Variants in LMO4 observed in about 807,000 individuals in gnomAD.
The protein encoded by LMO4 is LIM domain transcription factor LMO4.
A neutral mutation model predicts 18.5 loss-of-function variants in LMO4; 3 were observed. The ratio of observed to expected loss-of-function variants is 0.16; its 90% CI spans 0.07 to 0.42. The LOEUF (loss-of-function observed/expected upper bound fraction) is 0.42. Ranked by LOEUF, LMO4 falls within the 10% of genes least tolerant of loss-of-function variation. The probability of loss-of-function intolerance (pLI) is 0.99; values close to 1 mark genes in which losing one functional copy is unlikely to be tolerated. For missense variants in LMO4, 121 were observed against 219.9 expected (o/e 0.55, Z 2.84); for synonymous variants, 100 against 88.1 (o/e 1.14, Z -0.76).
Position 87,346,784 on chromosome 1 carries a change from A to T in LMO4, c.*1988A>T, listed in dbSNP as rs1570271610. 1 of 152,242 alleles carries T rather than the reference A, an allele frequency of 6.6e-6. No homozygotes were observed. Among genetic ancestry groups the T allele is most frequent in the Admixed American group, 6.5e-5 (1 of 15,288 alleles). 9.4% of individuals were successfully genotyped at this position (152,242 alleles called of 1,614,324 possible). A position where few individuals can be genotyped will look rare whatever the true frequency, so the allele number is the denominator to read the frequency against. On this transcript the variant is annotated 3_prime_UTR_variant, in exon 5 of 5. Transcript: ENST00000370544. ...AGAAAATAATATGAAGAAATCACAT[A>T]TATATGTTTGAATTAGATGTCTGTT...
chr1:87,339,817 TG>T (rs1650421902), intron 3 of LMO4, among the ~76,000 whole-genome samples, 185 bp downstream of exon 3: 3 of 152,168 alleles, frequency 2.0e-5, no homozygotes, highest in Non-Finnish European at 4.4e-5. Context: ...GCTTCCCCTA[TG>T]CCACAGACAG....
chr1:87,344,648 G>A, intron 4 of LMO4, 140 bp from the exon 5 acceptor site: 1 of 792,968 alleles, frequency 1.3e-6, no homozygotes, highest in Non-Finnish European at 2.1e-6. Context: ...AGCATAGAAA[G>A]CCTCTATCAA....
Position 87,344,913 on chromosome 1 carries a change from G to A in LMO4, c.*117G>A. On this transcript the variant is annotated 3_prime_UTR_variant, in exon 5 of 5. Transcript: ENST00000370544. ...TAGCTAGCACCAGTGCCAGCTCCAT[G>A]CCATTGCACCTTCTTTAGTCTTGAT... 1.1e-6 allele frequency: 1 copy of A among 933,156 alleles called. No homozygotes were observed. The highest frequency in any genetic ancestry group is 1.9e-5 in the Admixed American group (1 of 51,352). The allele number at this position is 933,156 out of a possible 1,614,324, so 57.8% of individuals were successfully genotyped here.
At chr1:87,331,741 G>C (rs1041081318) in intron 1 of LMO4, 5 of 504,802 alleles carry the variant, frequency 9.9e-6, no homozygotes, top group African/African-American at 9.7e-5. Flanking sequence ...CAGTACCGGA[G>C]CTGAAATTGT....
At chr1:87,334,816 T>G (rs947149646) in intron 2 of LMO4, among the ~76,000 whole-genome samples, 1 of 152,130 alleles carries the variant, frequency 6.6e-6, no homozygotes, top group Admixed American at 6.5e-5. Flanking sequence ...CCCTCCAAGA[T>G]TTCAGATAAA....
intron 2 of LMO4, among the ~76,000 whole-genome samples, chr1:87,336,492 A>G (rs913060313): frequency 6.6e-6 from 1 of 152,210 alleles, no homozygotes; most frequent in African/African-American, 2.4e-5. Context: ...GTAAACTAAA[A>G]ATACGATTTG....
At position 87,347,366 on chromosome 1, in the gene LMO4, C is replaced by G. The variant is rs1650664479; in HGVS notation, c.*2570C>G. On this transcript the variant is annotated 3_prime_UTR_variant, in exon 5 of 5. Transcript: ENST00000370544. ...AAAACCCGGCTCTAATGGGGATGCT[C>G]TGTGTGGATAGAAAGCTACTAAAAA... The G allele has an allele frequency of 6.6e-6, 1 of 152,038 alleles. No homozygotes were observed. The highest frequency in any genetic ancestry group is 6.6e-5 in the Admixed American group (1 of 15,256). 9.4% of individuals were successfully genotyped at this position (152,038 alleles called of 1,614,324 possible).
chr1:87,344,976 A>G lies in LMO4; in HGVS notation c.*180A>G. On this transcript the variant is annotated 3_prime_UTR_variant, in exon 5 of 5. Coordinates refer to ENST00000370544, the MANE Select transcript of LMO4 (RefSeq NM_006769.4). ...ATTTATTGGTGTATTAAAATGACTG[A>G]ATATGAACATTAAGGACTCCATGAA... is the stretch of plus-strand genomic sequence containing the variant. 1.7e-6 allele frequency: 1 copy of G among 572,322 alleles called. No individual in the cohort carries two copies. Among genetic ancestry groups the G allele is most frequent in the South Asian group, 2.3e-5 (1 of 43,272 alleles). 35.5% of individuals were successfully genotyped at this position (572,322 alleles called of 1,614,324 possible). A position where few individuals can be genotyped will look rare whatever the true frequency, so the allele number is the denominator to read the frequency against.
rs1650628397 is a variant in LMO4 at position 87,346,431 on chromosome 1, C to T, written c.*1635C>T. 6.6e-6 allele frequency: 1 copy of T among 152,222 alleles called. No individual in the cohort carries two copies. Among genetic ancestry groups the T allele is most frequent in the Non-Finnish European group, 1.5e-5 (1 of 68,048 alleles). The allele number at this position is 152,222 out of a possible 1,614,324, so 9.4% of individuals were successfully genotyped here. On this transcript the variant is annotated 3_prime_UTR_variant, in exon 5 of 5. Coordinates refer to ENST00000370544, the MANE Select transcript of LMO4 (RefSeq NM_006769.4). ...TGTGAGCAAATTTCAACTACAACTT[C>T]CATCACAGGCTAATAAAACCAGGTG...
At chr1:87,331,651 G>C in intron 1 of LMO4, 1 of 270,802 alleles carries the variant, frequency 3.7e-6, no homozygotes, top group Non-Finnish European at 7.0e-6. Context: ...GGGAGGAGGG[G>C]GCAGTGGGCG....
intron 2 of LMO4, among the ~76,000 whole-genome samples, chr1:87,334,632 T>TTGAGTTGTGGTTTTTTGAAAA (rs1650246374): frequency 1.3e-5 from 2 of 152,110 alleles, no homozygotes; most frequent in African/African-American, 2.4e-5. Context: ...TGTCTTGACT[T>TTGAGTTGTGGTTTTTTGAAAA]TGAGTTGTGG....
intron 2 of LMO4, among the ~76,000 whole-genome samples, chr1:87,333,920 T>A (rs1489856827): frequency 6.7e-6 from 1 of 150,302 alleles, no homozygotes; most frequent in Non-Finnish European, 1.5e-5. Context: ...TGGTACAGAT[T>A]CATCTCTTCT....
intron 2 of LMO4, among the ~76,000 whole-genome samples, chr1:87,338,913 T>C (rs567138372): frequency 6.6e-6 from 1 of 152,330 alleles, no homozygotes; most frequent in South Asian, 2.1e-4. Context: ...AGCATTTCAT[T>C]ATCAAGAGAG....
rs1650660012 is a variant in LMO4, at chr1:87,347,196, C to A, written c.*2400C>A. ...CAAATGTCACTCATGTTAGTATAAT[C>A]CACATGCAAGTGATGAAGCCTTCTC... On this transcript the variant is annotated 3_prime_UTR_variant, in exon 5 of 5. Coordinates refer to ENST00000370544, the MANE Select transcript of LMO4 (RefSeq NM_006769.4). 1 of 152,134 alleles carries A rather than the reference C, an allele frequency of 6.6e-6. No homozygotes were observed. Among genetic ancestry groups the A allele is most frequent in the Non-Finnish European group, 1.5e-5 (1 of 68,038 alleles). The allele number at this position is 152,134 out of a possible 1,614,324, so 9.4% of individuals were successfully genotyped here.
intron 2 of LMO4, among the ~76,000 whole-genome samples, chr1:87,335,811 A>G (rs1650290589): frequency 6.6e-6 from 1 of 151,344 alleles, no homozygotes; most frequent in African/African-American, 2.4e-5. Context: ...ATTTAATATC[A>G]CTTTGAAGTC....
intron 2 of LMO4, among the ~76,000 whole-genome samples, chr1:87,332,572 A>G (rs547560391): frequency 1.3e-5 from 2 of 152,372 alleles, no homozygotes; most frequent in South Asian, 4.1e-4. Context: ...CTAAAAGCAA[A>G]CATCCCAAGC....
intron 4 of LMO4, among the ~76,000 whole-genome samples, chr1:87,340,454 A>G (rs946409307): frequency 1.3e-5 from 2 of 152,242 alleles, no homozygotes; most frequent in East Asian, 1.9e-4. Flanking sequence ...AGATTATCAC[A>G]TGCAAAAGCA....
chr1:87,343,429 G>A (rs72728010), intron 4 of LMO4, among the ~76,000 whole-genome samples: 5,448 of 152,256 alleles, frequency 0.036, 120 homozygotes, highest in Non-Finnish European at 0.053. Context: ...AGAGGGTTAT[G>A]TAAATCAGGA....
rs1650659584 is a variant in LMO4 at position 87,347,173 on chromosome 1, A to G, written c.*2377A>G. ...TAAGTTGCAGACCTATAAGATTACA[A>G]ATGTCACTCATGTTAGTATAATCCA... is the stretch of plus-strand genomic sequence containing the variant. On this transcript the variant is annotated 3_prime_UTR_variant, in exon 5 of 5. Coordinates refer to ENST00000370544, the MANE Select transcript of LMO4 (RefSeq NM_006769.4). The G allele has an allele frequency of 1.3e-5, 2 of 152,204 alleles. No individual in the cohort carries two copies. Among genetic ancestry groups the G allele is most frequent in the Non-Finnish European group, 2.9e-5 (2 of 68,032 alleles). 9.4% of individuals were successfully genotyped at this position (152,204 alleles called of 1,614,324 possible). A position where few individuals can be genotyped will look rare whatever the true frequency, so the allele number is the denominator to read the frequency against.
Sources: allele counts gnomAD v4.1 joint callset (sites outside exome capture counted in the v4.1 genomes callset), GRCh38; gene constraint gnomAD v4.1.1; transcripts MANE v1.5; gene names NCBI Gene and HGNC (gene_info 2026-07-23, HGNC 2026-07-21).